The following ARHGEF4 variants were observed in gnomAD, a reference collection of about 807,000 sequenced individuals.
The protein encoded by ARHGEF4 is Rho guanine nucleotide exchange factor 4.
A neutral mutation model predicts 162.0 loss-of-function variants in ARHGEF4; 119 were observed. The ratio of observed to expected loss-of-function variants is 0.73; its 90% confidence interval spans 0.63 to 0.86. ARHGEF4 has a LOEUF of 0.86. ARHGEF4 is among the 40% of genes least tolerant of loss of function. The pLI is 0.00. For missense variants in ARHGEF4, 2,488 were observed against 2,456.0 expected (o/e 1.01, Z -0.28); for synonymous variants, 1,014 against 979.9 (o/e 1.03, Z -0.65).
intron 1 of ARHGEF4, among the ~76,000 whole-genome samples, chr2:130,888,751 T>C (rs1001657782): frequency 6.6e-6 from 1 of 152,058 alleles, no homozygotes; most frequent in Non-Finnish European, 1.5e-5. Flanking sequence ...TCTGAATGAT[T>C]TCAATCCTTT....
chr2:130,852,625 C>T (rs376620518), intron 1 of ARHGEF4, among the ~76,000 whole-genome samples: 41 of 152,282 alleles, frequency 2.7e-4, no homozygotes, highest in Middle Eastern at 6.8e-3. Flanking sequence ...ACGCCCTGCA[C>T]GGAGGCGAGC....
At chr2:130,938,505 T>C (rs1417274318) in intron 3 of ARHGEF4, among the ~76,000 whole-genome samples, 1 of 152,212 alleles carries the variant, frequency 6.6e-6, no homozygotes, top group African/African-American at 2.4e-5. Flanking sequence ...TTTATCCACT[T>C]TCTAACTGGA....
chr2:131,039,873 G>C, intron 6 of ARHGEF4, 143 bp from the exon 7 acceptor site: 1 of 1,428,878 alleles, frequency 7.0e-7, no homozygotes, highest in South Asian at 1.5e-5. Flanking sequence ...GGCGTGGTGG[G>C]GGGAGCTGGC....
intron 4 of ARHGEF4, among the ~76,000 whole-genome samples, chr2:131,022,425 T>C (rs1689190204): frequency 6.6e-6 from 1 of 152,158 alleles, no homozygotes; most frequent in Non-Finnish European, 1.5e-5. Flanking sequence ...TCATCTAGTT[T>C]ATTTAATTTG....
chr2:130,998,888 C>A (rs1220275828), intron 4 of ARHGEF4, among the ~76,000 whole-genome samples: 1 of 152,162 alleles, frequency 6.6e-6, no homozygotes, highest in Admixed American at 6.5e-5. Context: ...AAGAAACTGA[C>A]AAACTGTGTT....
At chr2:130,986,032 TTG>T (rs148777976) in intron 4 of ARHGEF4, among the ~76,000 whole-genome samples, 6,478 of 151,900 alleles carry the variant, frequency 0.043, 152 homozygotes, top group Middle Eastern at 0.075. Context: ...CGTGCATGTT[TTG>T]TGTGTTATGT....
intron 4 of ARHGEF4, among the ~76,000 whole-genome samples, chr2:130,966,109 T>C (rs1172015481): frequency 4.6e-5 from 7 of 152,176 alleles, no homozygotes; most frequent in Admixed American, 4.6e-4. Context: ...CGGGGAGTGC[T>C]GGTCAGTAAC....
At chr2:131,021,927 T>C (rs1353179230) in intron 4 of ARHGEF4, among the ~76,000 whole-genome samples, 1 of 152,248 alleles carries the variant, frequency 6.6e-6, no homozygotes, top group African/African-American at 2.4e-5. Flanking sequence ...TATTTTTCCT[T>C]CATTCTGTTA....
intron 2 of ARHGEF4, 144 bp downstream of exon 2, chr2:130,917,642 T>G: frequency 9.3e-7 from 1 of 1,069,758 alleles, no homozygotes; most frequent in Non-Finnish European, 1.3e-6. Flanking sequence ...CCGCCCCCCC[T>G]CCCCCAGTGA....
chr2:130,991,476 G>A (rs2105282750), intron 4 of ARHGEF4, among the ~76,000 whole-genome samples: 1 of 152,352 alleles, frequency 6.6e-6, no homozygotes, highest in East Asian at 1.9e-4. Flanking sequence ...CCAGGGCTGT[G>A]TGCGGCGCTT....
Position 130,962,571 on chromosome 2 carries a change from TG to T in ARHGEF4, c.3985+15938del, listed in dbSNP as rs1684690579. Among the ~76,000 whole-genome samples the T allele has an allele frequency of 6.6e-5, 10 of 152,240 alleles. 1 individual carries two copies. The South Asian group carries it at 2.1e-3, about 32-fold the overall frequency. On this transcript the variant is annotated intron_variant, in intron 4 of 13. Coordinates refer to ENST00000409359, the MANE Select transcript of ARHGEF4 (RefSeq NM_001367493.1). ...GTCTATGAAGCTGCAGGGCCTCTTA[TG>T]GTACAGAGCTTGGAGCACATATAGC...
intron 1 of ARHGEF4, among the ~76,000 whole-genome samples, chr2:130,899,729 C>T (rs868142364): frequency 1.3e-5 from 2 of 152,030 alleles, no homozygotes; most frequent in African/African-American, 4.8e-5. Flanking sequence ...TGGCTTGAAA[C>T]GCAGAAGCAG....
At chr2:130,876,980 A>G (rs1005867358) in intron 1 of ARHGEF4, among the ~76,000 whole-genome samples, 1 of 152,208 alleles carries the variant, frequency 6.6e-6, no homozygotes, top group Non-Finnish European at 1.5e-5. Context: ...TATTTGATAG[A>G]GTAAAATAAA....
At chr2:131,014,345 A>G (rs1317562201) in intron 4 of ARHGEF4, among the ~76,000 whole-genome samples, 1 of 152,234 alleles carries the variant, frequency 6.6e-6, no homozygotes, top group African/African-American at 2.4e-5. Context: ...CTGCTAAATC[A>G]TGACACAGCC....
At chr2:130,952,588 A>G (rs1434823186) in intron 4 of ARHGEF4, among the ~76,000 whole-genome samples, 1 of 152,194 alleles carries the variant, frequency 6.6e-6, no homozygotes, top group African/African-American at 2.4e-5. Context: ...GAAAGCAATA[A>G]AGGATATTCA....
At chr2:130,856,845 A>T (rs1014901782) in intron 1 of ARHGEF4, among the ~76,000 whole-genome samples, 1 of 152,236 alleles carries the variant, frequency 6.6e-6, no homozygotes, top group Admixed American at 6.5e-5. Flanking sequence ...AAAAGCACAG[A>T]GGTGATTGGG....
intron 1 of ARHGEF4, among the ~76,000 whole-genome samples, chr2:130,842,823 C>A (rs1260819634): frequency 6.6e-6 from 1 of 152,164 alleles, no homozygotes; most frequent in East Asian, 1.9e-4. Flanking sequence ...ATCTTGATTG[C>A]CAAAGACAGT....
chr2:130,881,314 A>G (rs1461132171), intron 1 of ARHGEF4, among the ~76,000 whole-genome samples: 1 of 152,190 alleles, frequency 6.6e-6, no homozygotes, highest in Non-Finnish European at 1.5e-5. Context: ...GCGCCCTGCA[A>G]ATGAGACATT....
At chr2:130,878,785 G>A (rs1462965851) in intron 1 of ARHGEF4, among the ~76,000 whole-genome samples, 1 of 152,314 alleles carries the variant, frequency 6.6e-6, no homozygotes, top group African/African-American at 2.4e-5. Context: ...ATGACACAAA[G>A]ATAAATGAAA....
Sources: gnomAD v4.1 joint callset for allele counts (sites outside exome capture counted in the v4.1 genomes callset) on GRCh38, gnomAD v4.1.1 for gene constraint, MANE v1.5 for transcripts, NCBI Gene and HGNC (gene_info 2026-07-23, HGNC 2026-07-21) for gene names.